Variants in ATP1A4 observed in about 807,000 individuals in gnomAD.
The protein encoded by ATP1A4 is sodium/potassium-transporting ATPase subunit alpha-4.
Under a neutral mutation model 114.3 loss-of-function variants are expected in ATP1A4, and 90 were observed. The observed-to-expected ratio is 0.79, with a 90% CI of 0.66 to 0.94. ATP1A4 has a LOEUF of 0.94. Among genes scored for constraint, ATP1A4 ranks in the 40% least tolerant of loss-of-function variants. The pLI is 0.00. For missense variants in ATP1A4, 1,222 were observed against 1,313.6 expected (o/e 0.93, Z 1.08); for synonymous variants, 511 against 494.1 (o/e 1.03, Z -0.45).
At chr1:160,159,334 G>A in intron 5 of ATP1A4, 75 bp from the exon 6 acceptor site, 10 of 1,407,160 alleles carry the variant, frequency 7.1e-6, no homozygotes, top group Non-Finnish European at 8.8e-6. Flanking sequence ...ACCAGATGAA[G>A]ACATACTATT....
chr1:160,177,307 T>C, intron 17 of ATP1A4: 1 of 520,230 alleles, frequency 1.9e-6, no homozygotes, highest in South Asian at 3.4e-5. Flanking sequence ...TGGGTCAGAG[T>C]TTAGAAACAA....
rs12063787 is a variant in ATP1A4 at position 160,167,593 on chromosome 1, G to A, written c.1491+181G>A. Among the ~76,000 whole-genome samples the A allele has an allele frequency of 3.7e-3, 569 of 152,278 alleles. 2 individuals are homozygous for A. Among genetic ancestry groups the A allele is most frequent in the African/African-American group, 0.013 (538 of 41,544 alleles). Reference sequence around the variant, plus strand: ...ACGTGACAAACAGGTAAAGAGAGGCGAAACAGGTGATAAAGGGAGAGGCAT... The same window carrying A: ...ACGTGACAAACAGGTAAAGAGAGGCAAAACAGGTGATAAAGGGAGAGGCAT... On this transcript the variant is annotated intron_variant, in intron 10 of 21. Coordinates refer to ENST00000368081, the MANE Select transcript of ATP1A4 (RefSeq NM_144699.4).
Position 160,186,247 on chromosome 1 carries a change from C to T in ATP1A4, c.2970-29C>T, listed in dbSNP as rs758441779. 6 of 1,497,358 alleles carry T rather than the reference C, an allele frequency of 4.0e-6. No individual in the cohort carries two copies. In the African/African-American group the frequency reaches 8.3e-5, roughly 21 times the overall value. The allele number at this position is 1,497,358 out of a possible 1,614,324, so 92.8% of individuals were successfully genotyped here. A position where few individuals can be genotyped will look rare whatever the true frequency, so the allele number is the denominator to read the frequency against. On this transcript the variant is annotated intron_variant, in intron 20 of 21. Transcript: ENST00000368081. ...TGTCCTCTGGCATCTCTCTCTCCTG[C>T]CATGCTGACTGGCTCTTGCTCTCTA...
intron 1 of ATP1A4, among the ~76,000 whole-genome samples, 189 bp downstream of exon 1, chr1:160,152,376 G>A (rs73025513): frequency 0.06 from 9,038 of 151,760 alleles, 304 homozygotes; most frequent in Middle Eastern, 0.19. Flanking sequence ...CAGCTCAACA[G>A]CAAGCACAGG....
intron 20 of ATP1A4, among the ~76,000 whole-genome samples, chr1:160,185,632 A>C (rs1358822825): frequency 6.6e-6 from 1 of 151,700 alleles, no homozygotes; most frequent in Non-Finnish European, 1.5e-5. Context: ...CTAAAAATAC[A>C]AAATTTGGCC....
intron 5 of ATP1A4, 116 bp downstream of exon 5, chr1:160,159,252 G>C: frequency 6.9e-7 from 1 of 1,455,162 alleles, no homozygotes; most frequent in South Asian, 1.3e-5. Flanking sequence ...GAAGTTACAA[G>C]TGCAGATTTG....
intron 15 of ATP1A4, among the ~76,000 whole-genome samples, 180 bp from the exon 16 acceptor site, chr1:160,175,912 C>T (rs1653443906): frequency 6.6e-6 from 1 of 152,170 alleles, no homozygotes. Flanking sequence ...ACACAGACGG[C>T]ATGGCTCTGA....
intron 5 of ATP1A4, 56 bp from the exon 6 acceptor site, chr1:160,159,353 T>C: frequency 6.7e-7 from 1 of 1,485,394 alleles, no homozygotes; most frequent in Non-Finnish European, 9.2e-7. Context: ...TTTTTGTAAA[T>C]AAATCTGCCT....
intron 6 of ATP1A4, among the ~76,000 whole-genome samples, chr1:160,163,505 C>T (rs1196172284): frequency 6.6e-6 from 1 of 152,078 alleles, no homozygotes; most frequent in African/African-American, 2.4e-5. Context: ...TAGGTTTACC[C>T]ATTATTATAA....
chr1:160,152,256 T>C, intron 1 of ATP1A4, 69 bp downstream of exon 1: 1 of 1,536,766 alleles, frequency 6.5e-7, no homozygotes, highest in Non-Finnish European at 8.8e-7. Flanking sequence ...CTTTAACATC[T>C]TACCTTGAGA....
chr1:160,161,795 C>T (rs1652872837), intron 6 of ATP1A4, among the ~76,000 whole-genome samples: 1 of 152,188 alleles, frequency 6.6e-6, no homozygotes, highest in African/African-American at 2.4e-5. Flanking sequence ...AAACACTGAC[C>T]TGACCTGTCT....
intron 1 of ATP1A4, among the ~76,000 whole-genome samples, chr1:160,152,954 T>A (rs112215398): frequency 0.023 from 3,449 of 152,108 alleles, 129 homozygotes; most frequent in African/African-American, 0.08. Flanking sequence ...GAAACACCTG[T>A]TGGGAGGCAG....
intron 3 of ATP1A4, 69 bp downstream of exon 3, chr1:160,155,317 G>A (rs1652609769): frequency 7.4e-7 from 1 of 1,345,264 alleles, no homozygotes; most frequent in African/African-American, 1.4e-5. Flanking sequence ...TTGCTCAGCA[G>A]CCTAGCACTC....
chr1:160,175,085 T>G lies in ATP1A4; in HGVS notation c.2311+338T>G, dbSNP rs534834048. On this transcript the variant is annotated intron_variant, in intron 15 of 21. Coordinates refer to ENST00000368081, the MANE Select transcript of ATP1A4 (RefSeq NM_144699.4). ...CAGTTCCAAGATGTAGCCACACCCC[T>G]GGGACTATTCCATGCGCTGCAATCT... 3.2e-4 allele frequency among the ~76,000 whole-genome samples: 48 copies of G among 152,274 alleles called. No homozygotes were observed. The East Asian group carries it at 9.1e-3, about 29-fold the overall frequency.
intron 12 of ATP1A4, among the ~76,000 whole-genome samples, chr1:160,172,805 G>C (rs1653311392): frequency 6.6e-6 from 1 of 152,174 alleles, no homozygotes; most frequent in Admixed American, 6.5e-5. Context: ...GGCCATGTGT[G>C]CTGGGAGGGA....
In ATP1A4 at chr1:160,174,758, A is replaced by T; in HGVS notation, c.2311+11A>T. The T allele has an allele frequency of 6.2e-7, 1 of 1,613,730 alleles. No individual in the cohort carries two copies. Among genetic ancestry groups the T allele is most frequent in the Non-Finnish European group, 8.5e-7 (1 of 1,180,002 alleles). On this transcript the variant is annotated intron_variant, in intron 15 of 21. Transcript: ENST00000368081. Reference sequence around the variant, plus strand: ...CGGGGGTGGAGGAGGGTGAGGAGGCAGGGTGCCCATGGTGGAGACTTCAAC... The same window carrying T: ...CGGGGGTGGAGGAGGGTGAGGAGGCTGGGTGCCCATGGTGGAGACTTCAAC...
rs762438835 is a variant in ATP1A4 at position 160,174,593 on chromosome 1, C to G, written c.2157C>G (p.Ala719=). ...GACTTCCTCAGGGAGCCGTTGTGGC[C>G]GTGACAGGTGACGGGGTGAACGACT... ...EGCQRLGAVV[A]VTGDGVNDSP... is the part of the protein sequence containing the mutation. The change falls in exon 15 of 22, where the codon GCC becomes GCG. Residue 719 remains alanine, a synonymous_variant. Coordinates refer to ENST00000368081, the MANE Select transcript of ATP1A4 (RefSeq NM_144699.4). 1 of 1,613,860 alleles carries G rather than the reference C, an allele frequency of 6.2e-7. No homozygotes were observed. Among genetic ancestry groups the G allele is most frequent in the Admixed American group, 1.7e-5 (1 of 60,008 alleles).
chr1:160,156,471 G>A (rs377207316), intron 4 of ATP1A4, among the ~76,000 whole-genome samples: 11 of 151,734 alleles, frequency 7.2e-5, no homozygotes, highest in Middle Eastern at 6.8e-3. Context: ...GGGTGGGAGC[G>A]GGGTGCGGTG....
intron 6 of ATP1A4, among the ~76,000 whole-genome samples, chr1:160,160,227 G>GT (rs926418147): frequency 2.0e-4 from 30 of 152,152 alleles, no homozygotes; most frequent in African/African-American, 6.7e-4. Context: ...TTTGTTTTGT[G>GT]TTTTTTTGAA....
Sources: allele counts gnomAD v4.1 joint callset (sites outside exome capture counted in the v4.1 genomes callset), GRCh38; gene constraint gnomAD v4.1.1; transcripts MANE v1.5; gene names NCBI Gene and HGNC (gene_info 2026-07-23, HGNC 2026-07-21).